The following DAB2 variants were observed in gnomAD, a reference collection of about 807,000 sequenced individuals.
DAB2 encodes DAB adaptor protein 2, also known as disabled homolog 2.
In DAB2, 28 loss-of-function variants were observed where a neutral mutation model predicts 71.6. The ratio of observed to expected loss-of-function variants is 0.39; its 90% CI spans 0.29 to 0.54. The LOEUF (loss-of-function observed/expected upper bound fraction) is 0.54. Among genes scored for constraint, DAB2 ranks in the 20% least tolerant of loss-of-function variants. DAB2 has a pLI of 0.68. For synonymous variants in DAB2, 345 were observed against 339.7 expected (o/e 1.02, Z -0.17); for missense variants, 867 against 928.8 (o/e 0.93, Z 0.86).
intron 1 of DAB2, among the ~76,000 whole-genome samples, chr5:39,420,893 G>A (rs1304025246): frequency 1.3e-5 from 2 of 152,150 alleles, no homozygotes; most frequent in African/African-American, 4.8e-5. Context: ...AACCTGCCCA[G>A]CTATGTGGGC....
chr5:39,405,030 T>G (rs1755582475), intron 1 of DAB2, among the ~76,000 whole-genome samples: 1 of 152,228 alleles, frequency 6.6e-6, no homozygotes, highest in Non-Finnish European at 1.5e-5. Flanking sequence ...TTAACTGCAC[T>G]AAAGTTGGAA....
chr5:39,377,318 C>A (rs374827917), intron 11 of DAB2, 36 bp from the exon 12 acceptor site: 2 of 1,572,560 alleles, frequency 1.3e-6, no homozygotes, highest in Non-Finnish European at 8.6e-7. Context: ...TATCAGGAGT[C>A]AAGCTTGAAG....
intron 1 of DAB2, among the ~76,000 whole-genome samples, chr5:39,419,142 G>A (rs1447512617): frequency 6.6e-6 from 1 of 152,132 alleles, no homozygotes; most frequent in Non-Finnish European, 1.5e-5. Context: ...TTTTTGCAAG[G>A]TAAGTGAGAC....
rs1310079878 is a variant in DAB2 at position 39,372,626 on chromosome 5, A to G, written c.*805T>C. The stretch of plus-strand genomic sequence containing the variant: ...GCTCCAGATCTGTCTGTGAATCATT[A>G]GATTTTTTTTTTTTTTTGCCCTGTG... On this transcript the variant is annotated 3_prime_UTR_variant, in exon 15 of 15. Coordinates refer to ENST00000320816, the MANE Select transcript of DAB2 (RefSeq NM_001343.4). 7.9e-6 allele frequency: 1 copy of G among 127,036 alleles called. No homozygotes were observed. Among genetic ancestry groups the G allele is most frequent in the Non-Finnish European group, 1.7e-5 (1 of 58,032 alleles). 7.9% of individuals were successfully genotyped at this position (127,036 alleles called of 1,614,324 possible).
chr5:39,397,271 G>T (rs766095157), intron 1 of DAB2, among the ~76,000 whole-genome samples: 3 of 152,118 alleles, frequency 2.0e-5, no homozygotes, highest in African/African-American at 7.2e-5. Flanking sequence ...AGGCCAACAG[G>T]TCCCAGGCCC....
At chr5:39,388,713 C>A in intron 8 of DAB2, 86 bp downstream of exon 8, 1 of 1,096,170 alleles carries the variant, frequency 9.1e-7, no homozygotes, top group Non-Finnish European at 1.4e-6. Context: ...AGATTCAATA[C>A]AGATTTGGTA....
intron 12 of DAB2, 125 bp downstream of exon 12, chr5:39,376,525 T>A: frequency 8.7e-7 from 1 of 1,150,242 alleles, no homozygotes; most frequent in Non-Finnish European, 1.2e-6. Context: ...TAACCCTTGA[T>A]TACCAACAGA....
At chr5:39,395,870 T>C (rs1755352318) in intron 1 of DAB2, among the ~76,000 whole-genome samples, 1 of 151,204 alleles carries the variant, frequency 6.6e-6, no homozygotes, top group Non-Finnish European at 1.5e-5. Flanking sequence ...AAAAGATTCA[T>C]AGTAGTCCTG....
intron 1 of DAB2, among the ~76,000 whole-genome samples, chr5:39,410,090 A>G (rs1579924195): frequency 6.6e-6 from 1 of 152,114 alleles, no homozygotes; most frequent in African/African-American, 2.4e-5. Context: ...TTGGTCATCT[A>G]TTTTAGTCAT....
chr5:39,409,275 T>A (rs1335899884), intron 1 of DAB2, among the ~76,000 whole-genome samples: 3 of 152,188 alleles, frequency 2.0e-5, no homozygotes, highest in Non-Finnish European at 1.5e-5. Flanking sequence ...AACAAATATG[T>A]TTTGTGGGAA....
Position 39,388,429 on chromosome 5 carries a change from G to T in DAB2, c.625-62C>A, listed in dbSNP as rs79067901. ...ACTAAAAAAGATTACTTCGTATATTGTAATCATTTGTTTCCTAAAGTTTAG... is the reference window on the plus strand; with the variant it reads ...ACTAAAAAAGATTACTTCGTATATTTTAATCATTTGTTTCCTAAAGTTTAG... On this transcript the variant is annotated intron_variant, in intron 8 of 14. Coordinates refer to ENST00000320816, the MANE Select transcript of DAB2 (RefSeq NM_001343.4). The T allele has an allele frequency of 1.8e-5, 20 of 1,132,250 alleles. 1 individual carries two copies. In the East Asian group the frequency reaches 4.5e-4, roughly 25 times the overall value. 70.1% of individuals were successfully genotyped at this position (1,132,250 alleles called of 1,614,324 possible).
intron 14 of DAB2, 34 bp downstream of exon 14, chr5:39,374,980 C>T (rs2686162): frequency 0.46 from 631,737 of 1,386,278 alleles, 147,445 homozygotes; most frequent in Non-Finnish European, 0.48. Flanking sequence ...TCACAAAAAC[C>T]CCTGAGACAG....
At chr5:39,415,308 C>CT (rs1755822490) in intron 1 of DAB2, among the ~76,000 whole-genome samples, 1 of 151,994 alleles carries the variant, frequency 6.6e-6, no homozygotes, top group Non-Finnish European at 1.5e-5. Context: ...TCTGTTATAC[C>CT]TGAGGGTATT....
chr5:39,415,000 G>A (rs1267134013), intron 1 of DAB2, among the ~76,000 whole-genome samples: 1 of 152,104 alleles, frequency 6.6e-6, no homozygotes, highest in African/African-American at 2.4e-5. Context: ...AGTTATAACT[G>A]ATGCTATGTG....
chr5:39,413,713 T>C (rs1033660790), intron 1 of DAB2, among the ~76,000 whole-genome samples: 13 of 152,204 alleles, frequency 8.5e-5, no homozygotes, highest in African/African-American at 2.9e-4. Context: ...AAAAGACAGA[T>C]TTCTGCTTCT....
chr5:39,404,410 G>T (rs139306107), intron 1 of DAB2, among the ~76,000 whole-genome samples: 1,167 of 93,446 alleles, frequency 0.012, 12 homozygotes, highest in African/African-American at 0.039. Flanking sequence ...AAAAGAAAAA[G>T]TAAAATTAAA....
At chr5:39,375,356 A>C (rs922746804) in intron 13 of DAB2, among the ~76,000 whole-genome samples, 1 of 152,194 alleles carries the variant, frequency 6.6e-6, no homozygotes, top group African/African-American at 2.4e-5. Context: ...TTGTTGGAAA[A>C]TTAAGAACTT....
chr5:39,382,563 C>G (rs1755002933), intron 10 of DAB2, 55 bp downstream of exon 10: 1 of 1,521,670 alleles, frequency 6.6e-7, no homozygotes, highest in Non-Finnish European at 9.0e-7. Flanking sequence ...CATCACACCA[C>G]CCTTTGGTAC....
Position 39,382,812 on chromosome 5 carries a change from C to G in DAB2, c.1147G>C (p.Glu383Gln), listed in dbSNP as rs1184443780. The change falls in exon 10 of 15, where the codon GAA (glutamate) becomes CAA (glutamine). Residue 383 changes from glutamate (E) to glutamine (Q), a missense_variant. This residue lies in a region of DAB2 where 740 missense variants were observed against 734.3 expected (regional missense o/e 1.01). Transcript: ENST00000320816. ...ACAGAGAAGCCGTTCTGTTCTCTTT[C>G]AGATACCCCATTTTGAGTTCTCACT... Reference protein sequence around the residue: ...PAVRTQNGVSEREQNGFSVKS... With the variant: ...PAVRTQNGVSQREQNGFSVKS... 1 of 1,614,046 alleles carries G rather than the reference C, an allele frequency of 6.2e-7. No individual in the cohort carries two copies. Among genetic ancestry groups the G allele is most frequent in the African/African-American group, 1.3e-5 (1 of 74,924 alleles).
Sources: gnomAD v4.1 joint callset for allele counts (sites outside exome capture counted in the v4.1 genomes callset) on GRCh38, gnomAD v4.1.1 for gene constraint, gnomAD v4.1.1 regional missense constraint, MANE v1.5 for transcripts, NCBI Gene and HGNC (gene_info 2026-07-23, HGNC 2026-07-21) for gene names.